LDB2: variants seen among roughly 807,000 people sequenced by gnomAD.
LDB2 encodes the protein LIM domain-binding protein 2.
Under a neutral mutation model 44.3 loss-of-function variants are expected in LDB2, and 12 were observed. The observed-to-expected ratio is 0.27, with a 90% CI of 0.17 to 0.44. The LOEUF is 0.44. Among genes scored for constraint, LDB2 ranks in the 20% least tolerant of loss-of-function variants. The pLI is 1.00. For missense variants in LDB2, 344 were observed against 473.5 expected, an observed-to-expected ratio of 0.73 and a Z score of 2.54; for synonymous variants, 164 against 174.8, an observed-to-expected ratio of 0.94 and a Z score of 0.49.
At chr4:16,666,079 G>T (rs1411498070) in intron 2 of LDB2, among the ~76,000 whole-genome samples, 1 of 152,210 alleles carries the variant, frequency 6.6e-6, no homozygotes, top group African/African-American at 2.4e-5. Context: ...AATTGTGAGA[G>T]AGTACATTTC....
At chr4:16,634,869 T>A (rs530752575) in intron 2 of LDB2, among the ~76,000 whole-genome samples, 1 of 152,152 alleles carries the variant, frequency 6.6e-6, no homozygotes, top group Non-Finnish European at 1.5e-5. Flanking sequence ...TTATTCACAA[T>A]AGCAAAGACT....
rs112467730 is a variant in LDB2 at position 16,823,495 on chromosome 4, AT to A, written c.133-64236del. Among the ~76,000 whole-genome samples the A allele has an allele frequency of 4.3e-4, 65 of 151,612 alleles. 1 individual carries two copies. The highest frequency in any genetic ancestry group is 1.3e-3 in the African/African-American group (54 of 41,344). ...AGTCTTCAATGAGAGTTTTAAGTACATTTTTTTTTAAAAGGAGAAAGCACTA... is the reference window on the plus strand; with the variant it reads ...AGTCTTCAATGAGAGTTTTAAGTACATTTTTTTTAAAAGGAGAAAGCACTA... On this transcript the variant is annotated intron_variant, in intron 1 of 7. Coordinates refer to ENST00000304523, the MANE Select transcript of LDB2 (RefSeq NM_001290.5).
chr4:16,550,646 G>A (rs1452008059), intron 5 of LDB2, among the ~76,000 whole-genome samples: 1 of 152,230 alleles, frequency 6.6e-6, no homozygotes, highest in Admixed American at 6.5e-5. Flanking sequence ...GAATGGGCAT[G>A]ATGAGGACCC....
intron 2 of LDB2, among the ~76,000 whole-genome samples, chr4:16,638,446 A>G (rs1033181786): frequency 3.3e-5 from 5 of 152,314 alleles, no homozygotes; most frequent in African/African-American, 9.6e-5. Flanking sequence ...ACCTTGTCCA[A>G]CGCAGCCCGA....
chr4:16,714,738 G>A (rs283036), intron 2 of LDB2, among the ~76,000 whole-genome samples: 36,379 of 151,918 alleles, frequency 0.24, 5,110 homozygotes, highest in Non-Finnish European at 0.33. Context: ...GTTCCATACC[G>A]TTCTCCTAAC....
At chr4:16,764,915 G>C (rs1428185073) in intron 1 of LDB2, among the ~76,000 whole-genome samples, 1 of 152,174 alleles carries the variant, frequency 6.6e-6, no homozygotes, top group Non-Finnish European at 1.5e-5. Context: ...CTAAAGTTTA[G>C]AGGCAAAGCA....
intron 2 of LDB2, among the ~76,000 whole-genome samples, chr4:16,681,043 C>A (rs562787348): frequency 6.6e-6 from 1 of 152,146 alleles, no homozygotes; most frequent in Admixed American, 6.5e-5. Context: ...CTAGGTACTG[C>A]TATAAAGAGA....
chr4:16,800,823 C>T (rs569403517), intron 1 of LDB2, among the ~76,000 whole-genome samples: 115 of 152,278 alleles, frequency 7.6e-4, no homozygotes, highest in Non-Finnish European at 1.2e-3. Flanking sequence ...TACAGGCGCC[C>T]GCCACCAACG....
At chr4:16,857,534 C>T (rs1789595098) in intron 1 of LDB2, among the ~76,000 whole-genome samples, 2 of 152,198 alleles carry the variant, frequency 1.3e-5, no homozygotes, top group Non-Finnish European at 2.9e-5. Context: ...TTCACCACAG[C>T]CTTCAAAGCC....
chr4:16,790,238 T>C lies in LDB2; in HGVS notation c.133-30978A>G, dbSNP rs147814016. On this transcript the variant is annotated intron_variant, in intron 1 of 7. Coordinates refer to ENST00000304523, the MANE Select transcript of LDB2 (RefSeq NM_001290.5). ...AAGAGGCTGATGAGTTTAGCCAGCA[T>C]GGCAAAACTCTTAAGGCAGGAAGGC... Among the ~76,000 whole-genome samples, 148 of 152,342 alleles carry C rather than the reference T, an allele frequency of 9.7e-4. 1 individual carries two copies. The highest frequency in any genetic ancestry group is 3.4e-3 in the Middle Eastern group (1 of 294).
At chr4:16,898,092 G>C (rs1027349741) in intron 1 of LDB2, among the ~76,000 whole-genome samples, 1 of 151,552 alleles carries the variant, frequency 6.6e-6, no homozygotes, top group Non-Finnish European at 1.5e-5. Flanking sequence ...AGTTCTGGAA[G>C]AGCAACATTT....
chr4:16,551,787 G>A (rs1737773546), intron 5 of LDB2, among the ~76,000 whole-genome samples: 1 of 152,100 alleles, frequency 6.6e-6, no homozygotes. Context: ...AAAGTGCTGG[G>A]ATTACAGGTG....
chr4:16,639,871 T>C (rs889160099), intron 2 of LDB2, among the ~76,000 whole-genome samples: 5 of 152,238 alleles, frequency 3.3e-5, no homozygotes, highest in South Asian at 2.1e-4. Flanking sequence ...CCAGAGGCAA[T>C]GGGCAGATGT....
At chr4:16,764,673 T>C (rs1341486329) in intron 1 of LDB2, among the ~76,000 whole-genome samples, 1 of 152,044 alleles carries the variant, frequency 6.6e-6, no homozygotes, top group Non-Finnish European at 1.5e-5. Context: ...AGATACTAAT[T>C]AAAATTCTGC....
chr4:16,581,381 C>G (rs192811211), intron 5 of LDB2: 1 of 982,308 alleles, frequency 1.0e-6, no homozygotes, highest in East Asian at 1.1e-4. Flanking sequence ...TACTCCCAAG[C>G]CCATGTCACA....
chr4:16,771,089 T>C (rs1770559426), intron 1 of LDB2, among the ~76,000 whole-genome samples: 1 of 152,186 alleles, frequency 6.6e-6, no homozygotes, highest in South Asian at 2.1e-4. Context: ...AAATCTTGTT[T>C]CTGTGACCCA....
At chr4:16,530,994 A>T (rs1167882710) in intron 5 of LDB2, among the ~76,000 whole-genome samples, 3 of 152,232 alleles carry the variant, frequency 2.0e-5, no homozygotes, top group African/African-American at 7.2e-5. Flanking sequence ...CCTTATTTTC[A>T]GAGACCATCA....
At chr4:16,713,961 G>T (rs1013896245) in intron 2 of LDB2, among the ~76,000 whole-genome samples, 4 of 152,142 alleles carry the variant, frequency 2.6e-5, no homozygotes, top group Admixed American at 2.6e-4. Flanking sequence ...AATGACAAAT[G>T]TTAGGTCAAG....
intron 6 of LDB2, 22 bp downstream of exon 6, chr4:16,511,959 A>C: frequency 6.2e-7 from 1 of 1,604,672 alleles, no homozygotes; most frequent in South Asian, 1.1e-5. Context: ...GTTTAGAGAG[A>C]GAGTGAAGAA....
Sources: gnomAD v4.1 joint callset for allele counts (sites outside exome capture counted in the v4.1 genomes callset) on GRCh38, gnomAD v4.1.1 for gene constraint, MANE v1.5 for transcripts, NCBI Gene and HGNC (gene_info 2026-07-23, HGNC 2026-07-21) for gene names.